TMPO: variants seen among roughly 807,000 people sequenced by gnomAD.
The protein encoded by TMPO is LEM domain containing 4.
TMPO carries 22 observed loss-of-function variants against 45.4 expected under a neutral mutation model. That is an observed-to-expected ratio of 0.48 (90% CI 0.35 to 0.69). The LOEUF is 0.69. Among genes scored for constraint, TMPO ranks in the 30% least tolerant of loss-of-function variants. The pLI is 0.01. For missense variants in TMPO, 512 were observed against 548.8 expected (o/e 0.93, Z 0.67); for synonymous variants, 241 against 204.1 (o/e 1.18, Z -1.54).
At chr12:98,525,478 C>T (rs983768618) in intron 1 of TMPO, among the ~76,000 whole-genome samples, 8 of 152,100 alleles carry the variant, frequency 5.3e-5, no homozygotes, top group Admixed American at 2.6e-4. Flanking sequence ...CCATGGCTCA[C>T]GCCCGTAATC....
chr12:98,522,388 G>A (rs962360752), intron 1 of TMPO, among the ~76,000 whole-genome samples: 1 of 152,152 alleles, frequency 6.6e-6, no homozygotes, highest in Non-Finnish European at 1.5e-5. Flanking sequence ...AATAGGAAAT[G>A]TTAATTAAAT....
chr12:98,527,352 A>C (rs1478572097), intron 1 of TMPO, among the ~76,000 whole-genome samples: 13 of 129,082 alleles, frequency 1.0e-4, no homozygotes, highest in East Asian at 2.1e-4. Flanking sequence ...AAAAAAAAAC[A>C]AAAAAAAAAA....
chr12:98,530,669 A>C (rs1355352253), intron 2 of TMPO, among the ~76,000 whole-genome samples: 1 of 152,242 alleles, frequency 6.6e-6, no homozygotes, highest in Non-Finnish European at 1.5e-5. Flanking sequence ...TGTTATATTT[A>C]AATCTGATTT....
chr12:98,542,124 A>G (rs555160634), intron 4 of TMPO, among the ~76,000 whole-genome samples: 1 of 152,294 alleles, frequency 6.6e-6, no homozygotes, highest in African/African-American at 2.4e-5. Flanking sequence ...GTGTCACTGC[A>G]TATTTTTTGC....
At chr12:98,532,863 T>C in intron 3 of TMPO, 1 of 1,614,178 alleles carries the variant, frequency 6.2e-7, no homozygotes, top group Non-Finnish European at 8.5e-7. Context: ...CCACTAGGGA[T>C]ATTGTTCCTT....
intron 1 of TMPO, among the ~76,000 whole-genome samples, chr12:98,520,641 T>G (rs1876272362): frequency 6.7e-6 from 1 of 149,050 alleles, no homozygotes; most frequent in Non-Finnish European, 1.5e-5. Context: ...TTTTTTTTTT[T>G]GAAACGGAGT....
intron 3 of TMPO, among the ~76,000 whole-genome samples, chr12:98,536,533 T>C (rs891327136): frequency 6.6e-6 from 1 of 152,128 alleles, no homozygotes; most frequent in Non-Finnish European, 1.5e-5. Context: ...TTTGTATTTT[T>C]AGTAGAGACG....
At chr12:98,540,038 T>A (rs530641146) in intron 4 of TMPO, among the ~76,000 whole-genome samples, 3 of 152,202 alleles carry the variant, frequency 2.0e-5, no homozygotes, top group South Asian at 2.1e-4. Context: ...GATCCACATA[T>A]CCGGTTTGAT....
chr12:98,535,064 A>G (rs919246689), intron 3 of TMPO: 18 of 865,606 alleles, frequency 2.1e-5, no homozygotes, highest in Non-Finnish European at 2.4e-5. Flanking sequence ...TTATCTCTTC[A>G]TTGACTGGTA....
chr12:98,537,352 A>G (rs1387314247), intron 3 of TMPO, 123 bp from the exon 4 acceptor site: 4 of 730,006 alleles, frequency 5.5e-6, no homozygotes, highest in Non-Finnish European at 9.2e-6. Context: ...GTGAGGTATT[A>G]CCAGTAGACT....
Position 98,549,914 on chromosome 12 carries a change from C to CT in TMPO, c.*2057dup, listed in dbSNP as rs1254890002. 6 of 151,630 alleles carry CT rather than the reference C, an allele frequency of 4.0e-5. No homozygotes were observed. The highest frequency in any genetic ancestry group is 8.8e-5 in the Non-Finnish European group (6 of 67,882). 9.4% of individuals were successfully genotyped at this position (151,630 alleles called of 1,614,324 possible). On this transcript the variant is annotated 3_prime_UTR_variant, in exon 9 of 9. Transcript: ENST00000556029. Reference sequence around the variant, plus strand: ...TCCTAGATCAGAAATGTTTGCCTCTCTGAGTAAAATGTTTCTTTCAGATGA... The same window carrying CT: ...TCCTAGATCAGAAATGTTTGCCTCTCTTGAGTAAAATGTTTCTTTCAGATGA...
rs1295264677 is a variant in TMPO at position 98,531,663 on chromosome 12, G to C, written c.407-17G>C. 1.2e-6 allele frequency: 2 copies of C among 1,611,814 alleles called. No homozygotes were observed. Among genetic ancestry groups the C allele is most frequent in the Non-Finnish European group, 1.7e-6 (2 of 1,179,768 alleles). ...TGAAACAATACAGGTACTAAAGCAA[G>C]TTCTGCCTTAATCCAGGAACAACCA... is the stretch of plus-strand genomic sequence containing the variant. On this transcript the variant is annotated splice_polypyrimidine_tract_variant and intron_variant, in intron 2 of 8. Coordinates refer to ENST00000556029, the MANE Select transcript of TMPO (RefSeq NM_001032283.3).
rs531721206 is a variant in TMPO, at chr12:98,516,542, T to G, written c.279+396T>G. ...GGTTAAGTTCGAGCGTTTTCCCGCT[T>G]TATTAACTGAAATGACTCGCAGCAG... is the stretch of plus-strand genomic sequence containing the variant. On this transcript the variant is annotated intron_variant, in intron 1 of 8. Coordinates refer to ENST00000556029, the MANE Select transcript of TMPO (RefSeq NM_001032283.3). 5,513 of 1,028,318 alleles carry G rather than the reference T, an allele frequency of 5.4e-3. 14 individuals are homozygous for G. Among genetic ancestry groups the G allele is most frequent in the Middle Eastern group, 7.9e-3 (17 of 2,160 alleles). 63.7% of individuals were successfully genotyped at this position (1,028,318 alleles called of 1,614,324 possible). A position where few individuals can be genotyped will look rare whatever the true frequency, so the allele number is the denominator to read the frequency against.
At chr12:98,517,095 GC>G (rs1343212263) in intron 1 of TMPO, among the ~76,000 whole-genome samples, 1 of 152,248 alleles carries the variant, frequency 6.6e-6, no homozygotes, top group African/African-American at 2.4e-5. Flanking sequence ...ACAGGCGTGA[GC>G]CACCGGGCCC....
Position 98,542,467 on chromosome 12 carries a change from T to A in TMPO, c.664-1763T>A, listed in dbSNP as rs891049187. ...GGGCATTTGCTTTTTTTTTTTTTTT[T>A]AAAGCTCTCCTTGATGGTACTGTGC... is the stretch of plus-strand genomic sequence containing the variant. On this transcript the variant is annotated intron_variant, in intron 4 of 8. Coordinates refer to ENST00000556029, the MANE Select transcript of TMPO (RefSeq NM_001032283.3). 2.0e-5 allele frequency among the ~76,000 whole-genome samples: 3 copies of A among 151,400 alleles called. No individual in the cohort carries two copies. The East Asian group carries it at 5.8e-4, about 29-fold the overall frequency.
intron 1 of TMPO, chr12:98,516,606 C>T: frequency 1.1e-6 from 1 of 938,768 alleles, no homozygotes; most frequent in South Asian, 4.9e-5. Flanking sequence ...TGATGACACT[C>T]TAATTTCTAA....
rs1275700842 is a variant in TMPO at position 98,533,551 on chromosome 12, CTGAG to C, written c.565+1718_565+1721del. On this transcript the variant is annotated intron_variant, in intron 3 of 8. Transcript: ENST00000556029. ...GTCTCCTCCAAGAAAAGTCCCTAGA[CTGAG>C]TGAGAAGTCAGTGGAGGAAAGGGAT... 4 of 1,614,190 alleles carry C rather than the reference CTGAG, an allele frequency of 2.5e-6. No individual in the cohort carries two copies. Among genetic ancestry groups the C allele is most frequent in the Admixed American group, 3.3e-5 (2 of 60,030 alleles).
rs1036505167 is a variant in TMPO, at chr12:98,534,408, T to G, written c.565+2570T>G. 3.1e-6 allele frequency: 5 copies of G among 1,599,196 alleles called. No individual in the cohort carries two copies. In the African/African-American group the frequency reaches 6.7e-5, roughly 21 times the overall value. ...TACTTTATGCCAACATTTTCTTTTC[T>G]GTTAAGGTTGTTTTAGTTTCCAGAT... On this transcript the variant is annotated intron_variant, in intron 3 of 8. Transcript: ENST00000556029.
At chr12:98,541,055 T>G (rs10400581) in intron 4 of TMPO, among the ~76,000 whole-genome samples, 1,772 of 152,302 alleles carry the variant, frequency 0.012, 33 homozygotes, top group African/African-American at 0.041. Flanking sequence ...TTTTTGATGT[T>G]CACATTGTGC....
Sources: gnomAD v4.1 joint callset for allele counts (sites outside exome capture counted in the v4.1 genomes callset) on GRCh38, gnomAD v4.1.1 for gene constraint, MANE v1.5 for transcripts, NCBI Gene and HGNC (gene_info 2026-07-23, HGNC 2026-07-21) for gene names.